The following SHCBP1 variants were observed in gnomAD, a reference collection of about 807,000 sequenced individuals.
SHCBP1 encodes SHC SH2 domain-binding protein 1.
Under a neutral mutation model 75.1 loss-of-function variants are expected in SHCBP1, and 60 were observed. The ratio of observed to expected loss-of-function variants is 0.80; its 90% CI spans 0.65 to 0.99. The LOEUF (loss-of-function observed/expected upper bound fraction) is 0.99. Among genes scored for constraint, SHCBP1 ranks in the 50% least tolerant of loss-of-function variants. The probability of loss-of-function intolerance (pLI) is 0.00; values close to 1 mark genes in which losing one functional copy is unlikely to be tolerated. For synonymous variants in SHCBP1, 290 were observed against 293.2 expected, an observed-to-expected ratio of 0.99 and a Z score of 0.11; for missense variants, 709 against 809.4, an observed-to-expected ratio of 0.88 and a Z score of 1.50.
chr16:46,584,181 T>A (rs2142997307), intron 10 of SHCBP1, 92 bp from the exon 11 acceptor site: 1 of 788,122 alleles, frequency 1.3e-6, no homozygotes, highest in East Asian at 2.8e-5. Context: ...TTTAACACAG[T>A]ACAAATGTAC....
intron 9 of SHCBP1, among the ~76,000 whole-genome samples, chr16:46,597,058 A>G (rs1965155812): frequency 6.6e-6 from 1 of 152,148 alleles, no homozygotes; most frequent in Non-Finnish European, 1.5e-5. Flanking sequence ...ATACACACTC[A>G]TACTCCAGAG....
At position 46,581,411 on chromosome 16, in the gene SHCBP1, G is replaced by T; in HGVS notation, c.*318C>A. The T allele has an allele frequency of 7.7e-6, 2 of 258,382 alleles. No homozygotes were observed. Among genetic ancestry groups the T allele is most frequent in the South Asian group, 1.4e-4 (2 of 14,610 alleles). The allele number at this position is 258,382 out of a possible 1,614,324, so 16.0% of individuals were successfully genotyped here. On this transcript the variant is annotated 3_prime_UTR_variant, in exon 13 of 13. Transcript: ENST00000303383. ...CTTGCATTCCCTTCCTTACTTCCTC[G>T]TCTTTGAAGTGCTAAAGGTAATTAC...
In SHCBP1 at chr16:46,608,374, G is replaced by A. The variant is rs34559393; in HGVS notation, c.612C>T (p.Asn204=). 50,287 of 1,612,218 alleles carry A rather than the reference G, an allele frequency of 0.031. 3,962 individuals carry two copies. In the East Asian group the frequency reaches 0.38, roughly 12 times the overall value. ...AIEHVRFFYQ[N]IWRSWDEEEE... ...CTTCTTCATCCCAACTCCTCCAAATGTTTTGGTAGAAAAATCTGAAATGGA... is the reference window on the plus strand; with the variant it reads ...CTTCTTCATCCCAACTCCTCCAAATATTTTGGTAGAAAAATCTGAAATGGA... Residue 204 remains asparagine (N), a synonymous_variant, in exon 5 of 13, where the codon AAC becomes AAT. Coordinates refer to ENST00000303383, the MANE Select transcript of SHCBP1 (RefSeq NM_024745.5).
Position 46,599,917 on chromosome 16 carries a change from C to G in SHCBP1, c.1259G>C (p.Gly420Ala). Residue 420 changes from glycine (G) to alanine (A), a missense_variant, in exon 9 of 13, where the codon GGC becomes GCC. Gly to Ala is a moderately conservative substitution (Grantham distance 60). Coordinates refer to ENST00000303383, the MANE Select transcript of SHCBP1 (RefSeq NM_024745.5). ...ACCAGTGCAGTCCACAAAAGTGTCG[C>G]CTTTGCCCCTCTTTTCTATCACAAT... is the stretch of plus-strand genomic sequence containing the variant. ...DDIVIEKRGKGDTFVDCTGAD... is the reference protein window; with the variant it reads ...DDIVIEKRGKADTFVDCTGAD... 1 of 1,613,488 alleles carries G rather than the reference C, an allele frequency of 6.2e-7. No individual in the cohort carries two copies. The highest frequency in any genetic ancestry group is 8.5e-7 in the Non-Finnish European group (1 of 1,179,844).
At chr16:46,615,867 G>T in intron 4 of SHCBP1, 79 bp downstream of exon 4, 2 of 1,350,606 alleles carry the variant, frequency 1.5e-6, no homozygotes, top group Non-Finnish European at 2.1e-6. Flanking sequence ...TTAAATCTGG[G>T]TCTAACACAG....
chr16:46,584,415 G>T (rs1042118772), intron 10 of SHCBP1, among the ~76,000 whole-genome samples: 6 of 150,264 alleles, frequency 4.0e-5, no homozygotes, highest in African/African-American at 1.2e-4. Context: ...AAAAAAAAAA[G>T]TCATTTAACA....
At position 46,599,971 on chromosome 16, in the gene SHCBP1, G is replaced by C; in HGVS notation, c.1214-9C>G. The C allele has an allele frequency of 1.2e-6, 2 of 1,612,320 alleles. No homozygotes were observed. Among genetic ancestry groups the C allele is most frequent in the Non-Finnish European group, 1.7e-6 (2 of 1,179,456 alleles). On this transcript the variant is annotated splice_polypyrimidine_tract_variant and intron_variant, in intron 8 of 12. Transcript: ENST00000303383. ...ATCTGGTAGGCCATATCCTAAGGAA[G>C]AGAGAGCAACAACACTCAAGATGGG...
At chr16:46,621,061 G>C (rs1018838873) in intron 1 of SHCBP1, among the ~76,000 whole-genome samples, 196 bp downstream of exon 1, 86 of 152,352 alleles carry the variant, frequency 5.6e-4, no homozygotes, top group African/African-American at 1.9e-3. Flanking sequence ...TGCGGATAGG[G>C]AAGAGAGGGA....
chr16:46,607,427 C>A (rs552643820), intron 5 of SHCBP1, among the ~76,000 whole-genome samples: 3 of 152,108 alleles, frequency 2.0e-5, no homozygotes, highest in Non-Finnish European at 4.4e-5. Flanking sequence ...CCGGGCCTCA[C>A]ACATTTTTTA....
chr16:46,584,123 T>G, intron 10 of SHCBP1, 34 bp from the exon 11 acceptor site: 2 of 1,497,142 alleles, frequency 1.3e-6, no homozygotes, highest in Non-Finnish European at 1.8e-6. Flanking sequence ...TGACAATCAG[T>G]TTTTAAAAGG....
In SHCBP1 at chr16:46,599,688, A is replaced by AAAAAAAAC. The variant is rs55869621; in HGVS notation, c.1345+142_1345+143insGTTTTTTT. The AAAAAAAAC allele has an allele frequency of 1.8e-3, 136 of 74,606 alleles. 17 individuals carry two copies. The highest frequency in any genetic ancestry group is 0.011 in the Middle Eastern group (1 of 88). 4.6% of individuals were successfully genotyped at this position (74,606 alleles called of 1,614,324 possible). On this transcript the variant is annotated intron_variant, in intron 9 of 12. Transcript: ENST00000303383. ...AATTTGTAAAAAAAAAAAAAAAAAA[A>AAAAAAAAC]AAAACTCAGCATCGTGAAGTGCAAT...
chr16:46,608,529 T>C, intron 4 of SHCBP1, 140 bp from the exon 5 acceptor site: 2 of 613,472 alleles, frequency 3.3e-6, no homozygotes, highest in Non-Finnish European at 5.7e-6. Context: ...TTGATAGTCA[T>C]GAGTCACACA....
At chr16:46,582,680 G>C (rs1964891406) in intron 12 of SHCBP1, among the ~76,000 whole-genome samples, 1 of 152,202 alleles carries the variant, frequency 6.6e-6, no homozygotes, top group Admixed American at 6.5e-5. Flanking sequence ...TTCTGCCCAT[G>C]AATGATATGA....
rs1334272718 is a variant in SHCBP1 at position 46,599,939 on chromosome 16, C to T, written c.1237G>A (p.Val413Met). 1 of 1,613,436 alleles carries T rather than the reference C, an allele frequency of 6.2e-7. No homozygotes were observed. The highest frequency in any genetic ancestry group is 1.1e-5 in the South Asian group (1 of 90,934). The change falls in exon 9 of 13, where the codon GTG becomes ATG. Residue 413 changes from valine (V) to methionine (M), a missense_variant. By Grantham distance (21) the Val-to-Met change is conservative (BLOSUM62 1). Coordinates refer to ENST00000303383, the MANE Select transcript of SHCBP1 (RefSeq NM_024745.5). Reference protein sequence around the residue: ...LEGYGLPDDIVIEKRGKGDTF... With the variant: ...LEGYGLPDDIMIEKRGKGDTF... Reference sequence around the variant, plus strand: ...TCGCCTTTGCCCCTCTTTTCTATCACAATGTCATCTGGTAGGCCATATCCT... The same window carrying T: ...TCGCCTTTGCCCCTCTTTTCTATCATAATGTCATCTGGTAGGCCATATCCT...
chr16:46,612,985 G>C (rs572941873), intron 4 of SHCBP1, among the ~76,000 whole-genome samples: 1 of 152,060 alleles, frequency 6.6e-6, no homozygotes, highest in East Asian at 1.9e-4. Flanking sequence ...CCTCTCTCTT[G>C]CGTCTTAACT....
rs1409544719 is a variant in SHCBP1, at chr16:46,621,247, G to A, written c.103+10C>T. The A allele has an allele frequency of 3.7e-6, 6 of 1,602,986 alleles. No individual in the cohort carries two copies. The highest frequency in any genetic ancestry group is 5.1e-6 in the Non-Finnish European group (6 of 1,175,364). ...GAGGCGGCTCCTCGGCCCCGGCATG[G>A]AGAGCTCACCTTTCTCCAGAGACGC... is the stretch of plus-strand genomic sequence containing the variant. On this transcript the variant is annotated intron_variant, in intron 1 of 12. Transcript: ENST00000303383.
At chr16:46,587,822 C>T (rs1053384320) in intron 10 of SHCBP1, among the ~76,000 whole-genome samples, 2 of 152,206 alleles carry the variant, frequency 1.3e-5, no homozygotes, top group Admixed American at 1.3e-4. Context: ...ACCTAATAGA[C>T]ATCTACAGAA....
intron 4 of SHCBP1, among the ~76,000 whole-genome samples, chr16:46,612,463 CTT>C (rs1301106642): frequency 6.6e-6 from 1 of 151,960 alleles, no homozygotes; most frequent in African/African-American, 2.4e-5. Flanking sequence ...CTAGTGGAGT[CTT>C]TTGTTGTTGT....
rs145471479 is a variant in SHCBP1 at position 46,588,629 on chromosome 16, T to C, written c.1465-4540A>G. On this transcript the variant is annotated intron_variant, in intron 10 of 12. Coordinates refer to ENST00000303383, the MANE Select transcript of SHCBP1 (RefSeq NM_024745.5). ...CTCCCAAGACTAAACCAGGAAGAAG[T>C]TGAATCTCTGAATAGACCAGTAACA... Among the ~76,000 whole-genome samples, 1,222 of 152,238 alleles carry C rather than the reference T, an allele frequency of 8.0e-3. 17 individuals are homozygous for C. The highest frequency in any genetic ancestry group is 0.028 in the African/African-American group (1,156 of 41,548).
Sources: allele counts gnomAD v4.1 joint callset (sites outside exome capture counted in the v4.1 genomes callset), GRCh38; gene constraint gnomAD v4.1.1; transcripts MANE v1.5; gene names NCBI Gene and HGNC (gene_info 2026-07-23, HGNC 2026-07-21).